The following OSBPL5 variants were observed in gnomAD, a reference collection of about 807,000 sequenced individuals.
OSBPL5 encodes oxysterol-binding protein-related protein 5.
A neutral mutation model predicts 111.2 loss-of-function variants in OSBPL5; 71 were observed. The ratio of observed to expected loss-of-function variants is 0.64; its 90% CI spans 0.53 to 0.78. The LOEUF (loss-of-function observed/expected upper bound fraction) is 0.78. Among genes scored for constraint, OSBPL5 ranks in the 30% least tolerant of loss-of-function variants. The probability of loss-of-function intolerance (pLI) is 0.00; values close to 1 mark genes in which losing one functional copy is unlikely to be tolerated. For missense variants in OSBPL5, 1,210 were observed against 1,189.3 expected, an observed-to-expected ratio of 1.02 and a Z score of -0.26; for synonymous variants, 549 against 513.9, an observed-to-expected ratio of 1.07 and a Z score of -0.93.
chr11:3,104,157 C>A lies in OSBPL5; in HGVS notation c.1244+36G>T. ...TGCAGGGTCTCATGCAGATGCAGGACGAGGTGTGGGGTGCCCCTCCCGGCA... is the reference window on the plus strand; with the variant it reads ...TGCAGGGTCTCATGCAGATGCAGGAAGAGGTGTGGGGTGCCCCTCCCGGCA... On this transcript the variant is annotated intron_variant, in intron 10 of 21. Transcript: ENST00000263650. The surrounding 1 kb of genome is among the most constrained non-coding windows in gnomAD (Gnocchi z 5.0). The A allele has an allele frequency of 6.3e-7, 1 of 1,575,670 alleles. No individual in the cohort carries two copies. Among genetic ancestry groups the A allele is most frequent in the South Asian group, 1.1e-5 (1 of 87,180 alleles).
At chr11:3,089,472 T>G (rs1170684992) in intron 21 of OSBPL5, among the ~76,000 whole-genome samples, 1 of 152,182 alleles carries the variant, frequency 6.6e-6, no homozygotes, top group African/African-American at 2.4e-5. Flanking sequence ...GAAGCCACTG[T>G]GCGCAGGTAT....
In OSBPL5 at chr11:3,141,160, C is replaced by T. The variant is rs1846100146; in HGVS notation, c.-21-11991G>A. On this transcript the variant is annotated intron_variant, in intron 1 of 21. Transcript: ENST00000263650. The surrounding 1 kb of genome is among the most constrained non-coding windows in gnomAD (Gnocchi z 6.5). ...CCAGGCAGTTTCGAGTGCTCTGATG[C>T]TGACAGCCACCCAGGCTTCCCCCCG... Among the ~76,000 whole-genome samples, 1 of 152,172 alleles carries T rather than the reference C, an allele frequency of 6.6e-6. No individual in the cohort carries two copies. Among genetic ancestry groups the T allele is most frequent in the African/African-American group, 2.4e-5 (1 of 41,434 alleles).
rs1858083691 is a variant in OSBPL5 at position 3,113,516 on chromosome 11, G to A, written c.692-5571C>T. On this transcript the variant is annotated intron_variant, in intron 7 of 21. Transcript: ENST00000263650. This position sits in a 1 kb window ranked among gnomAD's most constrained non-coding sequence, Gnocchi z 4.8. ...CTAAAAATACAAAAATTAGCCAGGT[G>A]TGTTGGCAGGCACCTGTAATCCCAG... Among the ~76,000 whole-genome samples, 2 of 152,090 alleles carry A rather than the reference G, an allele frequency of 1.3e-5. No homozygotes were observed. The highest frequency in any genetic ancestry group is 2.9e-5 in the Non-Finnish European group (2 of 68,026).
intron 1 of OSBPL5, among the ~76,000 whole-genome samples, chr11:3,131,850 C>T (rs1467777409): frequency 2.1e-5 from 3 of 141,208 alleles, no homozygotes; most frequent in Admixed American, 7.0e-5. Flanking sequence ...TCCATCCACC[C>T]ACCAAACCAT....
rs538016388 is a variant in OSBPL5, at chr11:3,161,140, C to T, written c.-22+4076G>A. On this transcript the variant is annotated intron_variant, in intron 1 of 21. Transcript: ENST00000263650. The surrounding 1 kb of genome is among the most constrained non-coding windows in gnomAD (Gnocchi z 8.0). ...CCTCCCTGTTTTCCACTTAAAATCC[C>T]TAAGAATGTACATATTTAGAAGGAA... 1.3e-5 allele frequency: 2 copies of T among 152,216 alleles called. No homozygotes were observed. Among genetic ancestry groups the T allele is most frequent in the Non-Finnish European group, 2.9e-5 (2 of 68,042 alleles). The allele number at this position is 152,216 out of a possible 1,614,324, so 9.4% of individuals were successfully genotyped here.
intron 17 of OSBPL5, 28 bp from the exon 18 acceptor site, chr11:3,093,080 A>T: frequency 6.6e-7 from 1 of 1,511,576 alleles, no homozygotes; most frequent in African/African-American, 1.4e-5. Flanking sequence ...ATCCTGAGCC[A>T]GTGGCCCGGG....
intron 14 of OSBPL5, chr11:3,094,538 CGG>C (rs1857188415): frequency 1.6e-5 from 4 of 248,730 alleles, no homozygotes; most frequent in Admixed American, 1.1e-4. Context: ...GGTGGGGGTG[CGG>C]AGCCTGGGAG....
rs1332534154 is a variant in OSBPL5 at position 3,126,988 on chromosome 11, C to A, written c.137-433G>T. Reference sequence around the variant, plus strand: ...ATGCTGCCGGCCCCTGCGTGCTGGGCTCTTGCTGGGAGGTGGTCAGCCCTG... The same window carrying A: ...ATGCTGCCGGCCCCTGCGTGCTGGGATCTTGCTGGGAGGTGGTCAGCCCTG... On this transcript the variant is annotated intron_variant, in intron 2 of 21. Transcript: ENST00000263650. The surrounding 1 kb of genome is among the most constrained non-coding windows in gnomAD (Gnocchi z 6.5). Among the ~76,000 whole-genome samples the A allele has an allele frequency of 6.6e-6, 1 of 152,224 alleles. No individual in the cohort carries two copies. The highest frequency in any genetic ancestry group is 1.5e-5 in the Non-Finnish European group (1 of 68,034).
intron 1 of OSBPL5, among the ~76,000 whole-genome samples, chr11:3,144,319 G>A (rs1416084374): frequency 6.6e-6 from 1 of 152,172 alleles, no homozygotes; most frequent in Non-Finnish European, 1.5e-5. Context: ...AGTGTGAGGT[G>A]CCCTCGACAT....
chr11:3,102,359 G>A (rs1411773987), intron 11 of OSBPL5, 78 bp from the exon 12 acceptor site: 41 of 1,395,034 alleles, frequency 2.9e-5, no homozygotes, highest in Non-Finnish European at 3.9e-5. Context: ...GGATGTGGAC[G>A]GAGGGGCAGC....
At chr11:3,157,129 A>T (rs1397392986) in intron 1 of OSBPL5, among the ~76,000 whole-genome samples, 1 of 152,228 alleles carries the variant, frequency 6.6e-6, no homozygotes, top group African/African-American at 2.4e-5. Flanking sequence ...TAATGATCAG[A>T]GAGCCGCGTG....
At position 3,159,988 on chromosome 11, in the gene OSBPL5, G is replaced by C. The variant is rs75886598; in HGVS notation, c.-22+5228C>G. 6.6e-5 allele frequency among the ~76,000 whole-genome samples: 10 copies of C among 152,258 alleles called. No individual in the cohort carries two copies. The East Asian group carries it at 1.6e-3, about 24-fold the overall frequency. On this transcript the variant is annotated intron_variant, in intron 1 of 21. Transcript: ENST00000263650. ...TCGGCTAGGCCTTCTGATCAGATCCGAGGCGGTGCCTGCCACCATCACCAC... is the reference window on the plus strand; with the variant it reads ...TCGGCTAGGCCTTCTGATCAGATCCCAGGCGGTGCCTGCCACCATCACCAC...
chr11:3,157,599 C>A (rs74988063), intron 1 of OSBPL5, among the ~76,000 whole-genome samples: 23,360 of 152,208 alleles, frequency 0.15, 1,890 homozygotes, highest in African/African-American at 0.19. Context: ...CAGGTGGGCG[C>A]CACAAGGCCA....
chr11:3,139,322 G>T (rs977093278), intron 1 of OSBPL5, among the ~76,000 whole-genome samples: 14 of 152,342 alleles, frequency 9.2e-5, no homozygotes, highest in Admixed American at 9.1e-4. Context: ...GGCCAAGCCT[G>T]CTGGGGTCTG....
chr11:3,135,887 C>T (rs757030963), intron 1 of OSBPL5, among the ~76,000 whole-genome samples: 8 of 152,194 alleles, frequency 5.3e-5, no homozygotes, highest in African/African-American at 1.2e-4. Context: ...GGGACAGAGG[C>T]GAGGGCACAG....
intron 1 of OSBPL5, among the ~76,000 whole-genome samples, chr11:3,129,961 G>A (rs1858769261): frequency 6.6e-6 from 1 of 152,204 alleles, no homozygotes; most frequent in African/African-American, 2.4e-5. Context: ...TCCCCTGTGG[G>A]TTCAGAAGCG....
rs1246578091 is a variant in OSBPL5 at position 3,107,007 on chromosome 11, C to T, written c.1059+256G>A. 6.6e-6 allele frequency among the ~76,000 whole-genome samples: 1 copy of T among 152,196 alleles called. No individual in the cohort carries two copies. Among genetic ancestry groups the T allele is most frequent in the Non-Finnish European group, 1.5e-5 (1 of 68,020 alleles). On this transcript the variant is annotated intron_variant, in intron 9 of 21. Coordinates refer to ENST00000263650, the MANE Select transcript of OSBPL5 (RefSeq NM_020896.4). This position sits in a 1 kb window ranked among gnomAD's most constrained non-coding sequence, Gnocchi z 6.1. ...CCAGCCCAAGGAGGGAGTTGCCTGTCTGCAGCAAACCCCTGCCCGATCCCC... is the reference window on the plus strand; with the variant it reads ...CCAGCCCAAGGAGGGAGTTGCCTGTTTGCAGCAAACCCCTGCCCGATCCCC...
In OSBPL5 at chr11:3,154,084, G is replaced by GT. The variant is rs960052421; in HGVS notation, c.-22+11131dup. On this transcript the variant is annotated intron_variant, in intron 1 of 21. Transcript: ENST00000263650. This position sits in a 1 kb window ranked among gnomAD's most constrained non-coding sequence, Gnocchi z 4.9. ...ACACATGGCATTCAAACCGCCGCTG[G>GT]TGTGTGGCCCCTTATCCACTCTCCC... Among the ~76,000 whole-genome samples, 46 of 152,376 alleles carry GT rather than the reference G, an allele frequency of 3.0e-4. No homozygotes were observed. The highest frequency in any genetic ancestry group is 1.0e-3 in the African/African-American group (43 of 41,588).
At chr11:3,097,063 G>GA (rs60338790) in intron 14 of OSBPL5, among the ~76,000 whole-genome samples, 3 of 41,824 alleles carry the variant, frequency 7.2e-5, no homozygotes, top group Non-Finnish European at 9.6e-5. Flanking sequence ...GGAGAGGAAA[G>GA]GGGGAAGATG....
Sources: allele counts gnomAD v4.1 joint callset (sites outside exome capture counted in the v4.1 genomes callset), GRCh38; gene constraint gnomAD v4.1.1; non-coding constraint Gnocchi (gnomAD v3.1); transcripts MANE v1.5; gene names NCBI Gene and HGNC (gene_info 2026-07-23, HGNC 2026-07-21).